Variants in DNMBP observed in about 807,000 individuals in gnomAD.
DNMBP encodes dynamin binding protein.
Under a neutral mutation model 150.0 loss-of-function variants are expected in DNMBP, and 87 were observed. The observed-to-expected ratio is 0.58, with a 90% CI of 0.49 to 0.69. The LOEUF (loss-of-function observed/expected upper bound fraction) is 0.69. DNMBP is among the 30% of genes least tolerant of loss of function. The probability of loss-of-function intolerance (pLI) is 0.00; values close to 1 mark genes in which losing one functional copy is unlikely to be tolerated. For synonymous variants in DNMBP, 711 were observed against 750.4 expected, an observed-to-expected ratio of 0.95 and a Z score of 0.86; for missense variants, 1,774 against 1,949.0, an observed-to-expected ratio of 0.91 and a Z score of 1.69.
intron 1 of DNMBP, among the ~76,000 whole-genome samples, chr10:99,984,752 C>T (rs374523210): frequency 2.0e-5 from 3 of 152,124 alleles, no homozygotes; most frequent in East Asian, 1.9e-4. Flanking sequence ...TTTTTTGACA[C>T]AGGGTCTCAC....
At chr10:99,962,317 T>C (rs989909744) in intron 3 of DNMBP, among the ~76,000 whole-genome samples, 17 of 152,186 alleles carry the variant, frequency 1.1e-4, no homozygotes, top group Non-Finnish European at 1.9e-4. Context: ...TCCCTATCCC[T>C]TGGTCAGAAG....
intron 16 of DNMBP, among the ~76,000 whole-genome samples, chr10:99,877,586 G>A (rs997788491): frequency 3.3e-5 from 5 of 152,136 alleles, no homozygotes; most frequent in Non-Finnish European, 5.9e-5. Flanking sequence ...CAATTTGGCC[G>A]GGCACGGTGG....
chr10:99,927,651 C>G (rs1233619427), intron 4 of DNMBP, among the ~76,000 whole-genome samples: 1 of 152,050 alleles, frequency 6.6e-6, no homozygotes, highest in Non-Finnish European at 1.5e-5. Flanking sequence ...TGAAAGATTT[C>G]TAGTAAAGAC....
At chr10:99,887,841 T>G (rs900651848) in intron 12 of DNMBP, among the ~76,000 whole-genome samples, 1 of 152,228 alleles carries the variant, frequency 6.6e-6, no homozygotes, top group Non-Finnish European at 1.5e-5. Flanking sequence ...AATTTTTTTT[T>G]GAGACAGAGT....
chr10:99,990,852 C>CAT lies in DNMBP; in HGVS notation c.-10-18720_-10-18719dup, dbSNP rs71009796. Among the ~76,000 whole-genome samples the CAT allele has an allele frequency of 6.2e-3, 895 of 144,774 alleles. 9 individuals carry two copies. The highest frequency in any genetic ancestry group is 0.047 in the Middle Eastern group (13 of 276). The allele number at this position is 144,774 out of a possible 152,430, so 95.0% of individuals were successfully genotyped here. Reference sequence around the variant, plus strand: ...ATATACATATACACACACACACACACATATATATATATATATATAGCTTTT... The same window carrying CAT: ...ATATACATATACACACACACACACACATATATATATATATATATATAGCTTTT... On this transcript the variant is annotated intron_variant, in intron 1 of 16. Transcript: ENST00000324109.
At chr10:99,915,204 CATATATACAT>C (rs2039951662) in intron 4 of DNMBP, among the ~76,000 whole-genome samples, 10 of 126,102 alleles carry the variant, frequency 7.9e-5, no homozygotes, top group South Asian at 2.6e-4. Flanking sequence ...CACACATATA[CATATATACAT>C]ACACACACAC....
At chr10:99,879,689 C>A in intron 16 of DNMBP, 122 bp downstream of exon 16, 2 of 1,480,412 alleles carry the variant, frequency 1.4e-6, no homozygotes, top group Non-Finnish European at 9.0e-7. Flanking sequence ...AAAGGTGTGT[C>A]TGTGAGCTCA....
intron 1 of DNMBP, among the ~76,000 whole-genome samples, chr10:99,974,502 T>TTTTTC (rs1365776490): frequency 6.6e-6 from 1 of 152,254 alleles, no homozygotes; most frequent in South Asian, 2.1e-4. Flanking sequence ...CTGAAATCTG[T>TTTTTC]TTTTCTTTTC....
At chr10:99,959,423 C>T (rs1414067634) in intron 3 of DNMBP, among the ~76,000 whole-genome samples, 2 of 152,018 alleles carry the variant, frequency 1.3e-5, no homozygotes, top group Non-Finnish European at 2.9e-5. Flanking sequence ...GAAGTCAAGG[C>T]TGCAGTGAGC....
intron 6 of DNMBP, among the ~76,000 whole-genome samples, chr10:99,906,327 T>TA (rs1450496086): frequency 6.6e-6 from 1 of 152,138 alleles, no homozygotes. Context: ...TGCAAACTCT[T>TA]AAAACGACAC....
rs944242477 is a variant in DNMBP, at chr10:99,930,383, G to A, written c.2261-21237C>T. 2.1e-5 allele frequency: 15 copies of A among 702,866 alleles called. No individual in the cohort carries two copies. The East Asian group carries it at 3.8e-4, about 18-fold the overall frequency. 43.5% of individuals were successfully genotyped at this position (702,866 alleles called of 1,614,324 possible). A position where few individuals can be genotyped will look rare whatever the true frequency, so the allele number is the denominator to read the frequency against. On this transcript the variant is annotated intron_variant, in intron 4 of 16. Transcript: ENST00000324109. ...CCTCCCCGTATCCACCAGCTTTCGA[G>A]GTCACATCTGGGCTTCTCGTAGGTG... is the stretch of plus-strand genomic sequence containing the variant.
In DNMBP at chr10:99,875,909, T is replaced by C. The variant is rs2039264091; in HGVS notation, c.*1242A>G. 1 of 152,176 alleles carries C rather than the reference T, an allele frequency of 6.6e-6. No individual in the cohort carries two copies. The allele number at this position is 152,176 out of a possible 1,614,324, so 9.4% of individuals were successfully genotyped here. A position where few individuals can be genotyped will look rare whatever the true frequency, so the allele number is the denominator to read the frequency against. On this transcript the variant is annotated 3_prime_UTR_variant, in exon 17 of 17. Coordinates refer to ENST00000324109, the MANE Select transcript of DNMBP (RefSeq NM_015221.4). ...AATATCTTCCTGAGACTGGGAGGTA[T>C]GATCAGGCACTTGGGAATCTGGCTT...
rs201346557 is a variant in DNMBP, at chr10:99,898,212, A to G, written c.2794T>C (p.Leu932=). Residue 932 remains leucine, a synonymous_variant, in exon 9 of 17, where the codon TTG becomes CTG. Coordinates refer to ENST00000324109, the MANE Select transcript of DNMBP (RefSeq NM_015221.4). The part of the protein sequence containing the change: ...PVQRVMRYPL[L]LMELLNSTPE... ...GTGGAATTCAGCAACTCCATTAGCA[A>G]CAGCGGGTAACGCATTACTCTCTGT... 1.2e-6 allele frequency: 2 copies of G among 1,614,094 alleles called. No homozygotes were observed. Among genetic ancestry groups the G allele is most frequent in the Non-Finnish European group, 1.7e-6 (2 of 1,179,986 alleles).
At chr10:99,911,377 A>G (rs1293364410) in intron 4 of DNMBP, among the ~76,000 whole-genome samples, 1 of 151,922 alleles carries the variant, frequency 6.6e-6, no homozygotes, top group African/African-American at 2.4e-5. Flanking sequence ...AAAAATTTGT[A>G]TTTTGCCTGT....
At chr10:99,884,453 T>C (rs1307730620) in intron 14 of DNMBP, among the ~76,000 whole-genome samples, 2 of 152,194 alleles carry the variant, frequency 1.3e-5, no homozygotes, top group Non-Finnish European at 2.9e-5. Context: ...CTTACATTTG[T>C]TTTCTTGTGA....
At chr10:100,002,974 C>G (rs2041032035) in intron 1 of DNMBP, among the ~76,000 whole-genome samples, 2 of 151,936 alleles carry the variant, frequency 1.3e-5, no homozygotes, top group Admixed American at 1.3e-4. Flanking sequence ...ACAAAGATGC[C>G]CGTTAGTGTA....
intron 4 of DNMBP, among the ~76,000 whole-genome samples, chr10:99,950,970 C>T (rs118188666): frequency 0.049 from 7,432 of 152,350 alleles, 262 homozygotes; most frequent in Middle Eastern, 0.18. Flanking sequence ...GTCTTCACGG[C>T]AACTGCACCC....
rs71009780 is a variant in DNMBP at position 99,879,084 on chromosome 10, CA to C, written c.4548+726del. Among the ~76,000 whole-genome samples the C allele has an allele frequency of 2.8e-3, 174 of 62,380 alleles. 7 individuals are homozygous for C. The highest frequency in any genetic ancestry group is 8.8e-3 in the African/African-American group (108 of 12,226). 40.9% of individuals were successfully genotyped at this position (62,380 alleles called of 152,430 possible). On this transcript the variant is annotated intron_variant, in intron 16 of 16. Coordinates refer to ENST00000324109, the MANE Select transcript of DNMBP (RefSeq NM_015221.4). The stretch of plus-strand genomic sequence containing the variant: ...TGGGCGACAGAGCAAGACTCTGTCT[CA>C]AAAAAAAAAAAAAAAACCCAAAACG...
chr10:99,977,575 T>A (rs1382865634), intron 1 of DNMBP, among the ~76,000 whole-genome samples: 3 of 152,216 alleles, frequency 2.0e-5, no homozygotes, highest in Admixed American at 1.3e-4. Flanking sequence ...GGAGTCATTC[T>A]GCATTTGAAA....
Sources: gnomAD v4.1 joint callset for allele counts (sites outside exome capture counted in the v4.1 genomes callset) on GRCh38, gnomAD v4.1.1 for gene constraint, MANE v1.5 for transcripts, NCBI Gene and HGNC (gene_info 2026-07-23, HGNC 2026-07-21) for gene names.